The following PCDHGA4 variants were observed in gnomAD, a reference collection of about 807,000 sequenced individuals.
PCDHGA4 encodes protocadherin gamma-A4.
In PCDHGA4, 38 loss-of-function variants were observed where a neutral mutation model predicts 54.6. The ratio of observed to expected loss-of-function variants is 0.70; its 90% confidence interval spans 0.54 to 0.91. PCDHGA4 has a LOEUF of 0.91. PCDHGA4 is among the 40% of genes least tolerant of loss of function. The probability of loss-of-function intolerance (pLI) is 0.00; values close to 1 mark genes in which losing one functional copy is unlikely to be tolerated. For synonymous variants in PCDHGA4, 511 were observed against 512.9 expected, an observed-to-expected ratio of 1.00 and a Z score of 0.05; for missense variants, 1,298 against 1,220.9, an observed-to-expected ratio of 1.06 and a Z score of -0.94.
chr5:141,447,650 TC>T (rs1036312126), intron 1 of PCDHGA4, among the ~76,000 whole-genome samples: 1 of 151,988 alleles, frequency 6.6e-6, no homozygotes, highest in Non-Finnish European at 1.5e-5. Context: ...GGTAGAATTT[TC>T]CCCCCCAGGA....
rs755163825 is a variant in PCDHGA4, at chr5:141,491,048, C to A, written c.2515-3759C>A. 6.2e-6 allele frequency: 10 copies of A among 1,613,948 alleles called. No individual in the cohort carries two copies. Among genetic ancestry groups the A allele is most frequent in the Non-Finnish European group, 7.6e-6 (9 of 1,179,960 alleles). ...GTGGATGCTGATGCAGGCCACAATG[C>A]GTGGCTCTCCTACTCACTGTTGCCA... On this transcript the variant is annotated intron_variant, in intron 1 of 3. Coordinates refer to ENST00000571252, the MANE Select transcript of PCDHGA4 (RefSeq NM_018917.4). The surrounding 1 kb of genome is among the most constrained non-coding windows in gnomAD (Gnocchi z 6.9).
At chr5:141,395,070 T>C (rs1222192652) in intron 1 of PCDHGA4, 1 of 1,614,158 alleles carries the variant, frequency 6.2e-7, no homozygotes, top group Non-Finnish European at 8.5e-7. Context: ...CCTGCAGACC[T>C]ATTCCCAGGA....
intron 1 of PCDHGA4, among the ~76,000 whole-genome samples, chr5:141,436,491 T>G (rs546883133): frequency 6.6e-6 from 1 of 152,182 alleles, no homozygotes; most frequent in Non-Finnish European, 1.5e-5. Flanking sequence ...GATAGCAGCT[T>G]TGCAATTAGG....
intron 1 of PCDHGA4, chr5:141,360,894 G>A (rs1262954387): frequency 6.2e-7 from 1 of 1,613,912 alleles, no homozygotes; most frequent in Non-Finnish European, 8.5e-7. Context: ...CCCTGAGGGA[G>A]GACGTGCCGC....
In PCDHGA4 at chr5:141,476,466, A is replaced by C. The variant is rs771760524; in HGVS notation, c.2515-18341A>C. The C allele has an allele frequency of 6.2e-7, 1 of 1,613,996 alleles. No individual in the cohort carries two copies. Reference sequence around the variant, plus strand: ...GAGTTGGTAGTGGAGAACCCGCTGGAGCTGTTCAGCGTGGAAGTGGTGATC... The same window carrying C: ...GAGTTGGTAGTGGAGAACCCGCTGGCGCTGTTCAGCGTGGAAGTGGTGATC... On this transcript the variant is annotated intron_variant, in intron 1 of 3. Transcript: ENST00000571252. This position sits in a 1 kb window ranked among gnomAD's most constrained non-coding sequence, Gnocchi z 7.6.
chr5:141,389,888 G>A, intron 1 of PCDHGA4: 1 of 1,614,086 alleles, frequency 6.2e-7, no homozygotes, highest in Non-Finnish European at 8.5e-7. Context: ...GCTTGCAGGA[G>A]GTGCTGCCGG....
intron 1 of PCDHGA4, chr5:141,408,637 T>C (rs766685548): frequency 4.3e-6 from 7 of 1,614,044 alleles, no homozygotes; most frequent in Non-Finnish European, 5.9e-6. Context: ...TTTTCGAATC[T>C]GCATCCGCTG....
At chr5:141,372,615 C>T (rs1244865693) in intron 1 of PCDHGA4, 1 of 1,613,968 alleles carries the variant, frequency 6.2e-7, no homozygotes, top group South Asian at 1.1e-5. Context: ...TGGAGTTCTC[C>T]CCACCTACAG....
In PCDHGA4 at chr5:141,399,918, C is replaced by T. The variant is rs1163309827; in HGVS notation, c.2514+42297C>T. On this transcript the variant is annotated intron_variant, in intron 1 of 3. Coordinates refer to ENST00000571252, the MANE Select transcript of PCDHGA4 (RefSeq NM_018917.4). ...CCGTGGACGCAGACTCAGGACACAA[C>T]GCCTGGCTGTCCTACCACGTGCTGC... The T allele has an allele frequency of 4.3e-6, 7 of 1,612,240 alleles. No individual in the cohort carries two copies. In the East Asian group the frequency reaches 8.9e-5, roughly 21 times the overall value.
chr5:141,475,381 T>G (rs1182018899), intron 1 of PCDHGA4, among the ~76,000 whole-genome samples: 3 of 152,226 alleles, frequency 2.0e-5, no homozygotes, highest in Non-Finnish European at 4.4e-5. Flanking sequence ...ACTTTTAAAT[T>G]TTATAAGCCA....
Position 141,476,477 on chromosome 5 carries a change from G to C in PCDHGA4, c.2515-18330G>C. ...GGAGAACCCGCTGGAGCTGTTCAGCGTGGAAGTGGTGATCCAGGACATCAA... is the reference window on the plus strand; with the variant it reads ...GGAGAACCCGCTGGAGCTGTTCAGCCTGGAAGTGGTGATCCAGGACATCAA... On this transcript the variant is annotated intron_variant, in intron 1 of 3. Coordinates refer to ENST00000571252, the MANE Select transcript of PCDHGA4 (RefSeq NM_018917.4). The surrounding 1 kb of genome is among the most constrained non-coding windows in gnomAD (Gnocchi z 7.6). The C allele has an allele frequency of 5.0e-6, 8 of 1,614,078 alleles. No homozygotes were observed. Among genetic ancestry groups the C allele is most frequent in the Non-Finnish European group, 6.8e-6 (8 of 1,180,018 alleles).
intron 1 of PCDHGA4, chr5:141,365,786 C>G (rs1446985601): frequency 1.2e-6 from 2 of 1,613,932 alleles, no homozygotes; most frequent in East Asian, 2.2e-5. Flanking sequence ...CGACAACGCT[C>G]GAGTCACCTA....
intron 2 of PCDHGA4, among the ~76,000 whole-genome samples, chr5:141,499,879 G>C (rs1470090790): frequency 9.2e-5 from 14 of 151,952 alleles, no homozygotes. Flanking sequence ...GTACAAACAG[G>C]GTTTCGCCAT....
chr5:141,415,123 G>A (rs1349224471), intron 1 of PCDHGA4: 3 of 1,613,540 alleles, frequency 1.9e-6, no homozygotes, highest in African/African-American at 1.3e-5. Context: ...CGTAGTGGCC[G>A]TCCAGGACCA....
chr5:141,426,310 A>G, intron 1 of PCDHGA4: 1 of 173,588 alleles, frequency 5.8e-6, no homozygotes. Context: ...GAAGCAGAGA[A>G]GCAGGACCCG....
In PCDHGA4 at chr5:141,356,579, A is replaced by G. The variant is rs115115119; in HGVS notation, c.1472A>G (p.Tyr491Cys). 2,835 of 1,614,150 alleles carry G rather than the reference A, an allele frequency of 1.8e-3. 35 individuals carry two copies. The African/African-American group carries it at 0.03, about 17-fold the overall frequency. ...PTFPHASYSA[Y>C]IPENNPRGAS... Reference sequence around the variant, plus strand: ...TTCCCTCATGCTTCCTACTCTGCTTACATTCCTGAAAACAACCCCAGAGGA... The same window carrying G: ...TTCCCTCATGCTTCCTACTCTGCTTGCATTCCTGAAAACAACCCCAGAGGA... The change falls in exon 1 of 4, where the codon TAC (tyrosine) becomes TGC (cysteine). Residue 491 changes from tyrosine (Y) to cysteine (C), a missense_variant. By Grantham distance (194) the Tyr-to-Cys change is radical. Coordinates refer to ENST00000571252, the MANE Select transcript of PCDHGA4 (RefSeq NM_018917.4).
At chr5:141,415,740 GTTTTTTTTTTTTT>G (rs57426385) in intron 1 of PCDHGA4, 160 of 625,000 alleles carry the variant, frequency 2.6e-4, no homozygotes, top group Middle Eastern at 1.1e-3. Context: ...GTTTATTAAG[GTTTTTTTTTTTTT>G]TTTTTTTTTT....
chr5:141,401,171 G>A (rs1222326375), intron 1 of PCDHGA4, among the ~76,000 whole-genome samples: 1 of 152,054 alleles, frequency 6.6e-6, no homozygotes, highest in African/African-American at 2.4e-5. Context: ...GTGAAAACCC[G>A]TCTCTACTAA....
At chr5:141,398,742 G>GAGT (rs2093697710) in intron 1 of PCDHGA4, 1 of 1,613,726 alleles carries the variant, frequency 6.2e-7, no homozygotes, top group Non-Finnish European at 8.5e-7. Flanking sequence ...GGGAACAACA[G>GAGT]AGTTACCATC....
Sources: allele counts gnomAD v4.1 joint callset (sites outside exome capture counted in the v4.1 genomes callset), GRCh38; gene constraint gnomAD v4.1.1; non-coding constraint Gnocchi (gnomAD v3.1); transcripts MANE v1.5; gene names NCBI Gene and HGNC (gene_info 2026-07-23, HGNC 2026-07-21).